Variants in OSGIN1 observed in about 807,000 individuals in gnomAD.
OSGIN1 encodes oxidative stress-induced growth inhibitor 1.
In OSGIN1, 19 loss-of-function variants were observed where a neutral mutation model predicts 20.1. The observed-to-expected ratio is 0.95, with a 90% CI of 0.66 to 1.39. OSGIN1 has a LOEUF of 1.39. Among genes scored for constraint, OSGIN1 ranks in the 40% most tolerant of loss-of-function variants. The pLI, the probability that OSGIN1 is intolerant of heterozygous loss-of-function variation, is 0.00. For missense variants in OSGIN1, 820 were observed against 653.0 expected (o/e 1.26, Z -2.79); for synonymous variants, 368 against 297.8 (o/e 1.24, Z -2.43).
intron 5 of OSGIN1, 175 bp downstream of exon 5, chr16:83,961,247 G>C (rs2084208038): frequency 1.7e-6 from 1 of 595,842 alleles, no homozygotes; most frequent in Non-Finnish European, 3.0e-6. Context: ...GGCACAGCTT[G>C]GTTTTATACA....
Position 83,960,330 on chromosome 16 carries a change from G to A in OSGIN1, c.205-239G>A, listed in dbSNP as rs138483370. Reference sequence around the variant, plus strand: ...TATTAGGGTAGGGATGTAGGACCAGGCAATCGCTCCAGTCTCACCCAAGCT... The same window carrying A: ...TATTAGGGTAGGGATGTAGGACCAGACAATCGCTCCAGTCTCACCCAAGCT... On this transcript the variant is annotated intron_variant, in intron 3 of 5. Transcript: ENST00000393306. 1.7e-3 allele frequency among the ~76,000 whole-genome samples: 265 copies of A among 152,292 alleles called. 1 individual carries two copies. In the Middle Eastern group the frequency reaches 0.02, roughly 12 times the overall value.
chr16:83,965,238 T>C lies in OSGIN1; in HGVS notation c.665T>C (p.Val222Ala). 1 of 1,612,416 alleles carries C rather than the reference T, an allele frequency of 6.2e-7. No individual in the cohort carries two copies. The highest frequency in any genetic ancestry group is 8.5e-7 in the Non-Finnish European group (1 of 1,179,652). The change falls in exon 6 of 6, where the codon GTG (valine) becomes GCG (alanine). Residue 222 changes from valine (V) to alanine (A), a missense_variant. Transcript: ENST00000393306. ...CAGGACTCCAGCCCCCTCTTCCAGGTGAGCGGCTTCCTGACCAGGAACCAG... is the reference window on the plus strand; with the variant it reads ...CAGGACTCCAGCCCCCTCTTCCAGGCGAGCGGCTTCCTGACCAGGAACCAG... ...GAQDSSPLFQ[V>A]SGFLTRNQAQ... is the part of the protein sequence containing the mutation.
At chr16:83,959,427 A>G (rs202181499) in intron 3 of OSGIN1, 31 bp downstream of exon 3, 587 of 1,578,598 alleles carry the variant, frequency 3.7e-4, no homozygotes, top group Non-Finnish European at 4.9e-4. Flanking sequence ...AGCTCTGGGT[A>G]GTACATACCC....
chr16:83,963,542 T>C (rs181796655), intron 5 of OSGIN1, among the ~76,000 whole-genome samples: 310 of 152,266 alleles, frequency 2.0e-3, no homozygotes, highest in African/African-American at 6.8e-3. Flanking sequence ...GTGTCATTAT[T>C]ATAAATAACT....
intron 4 of OSGIN1, 80 bp from the exon 5 acceptor site, chr16:83,960,901 G>A: frequency 6.5e-7 from 1 of 1,528,144 alleles, no homozygotes; most frequent in South Asian, 1.1e-5. Flanking sequence ...CCCAGCCCCA[G>A]CAAAGGCCTC....
intron 3 of OSGIN1, among the ~76,000 whole-genome samples, chr16:83,959,597 A>T (rs1043475352): frequency 5.9e-5 from 9 of 152,322 alleles, no homozygotes; most frequent in Admixed American, 1.3e-4. Context: ...AGGGCTCACT[A>T]TGCCCTAGGC....
chr16:83,959,228 C>T, intron 2 of OSGIN1, 32 bp from the exon 3 acceptor site: 2 of 1,597,770 alleles, frequency 1.3e-6, no homozygotes, highest in Non-Finnish European at 1.7e-6. Context: ...CTGAAAAGGC[C>T]ACCCCCTTTA....
intron 3 of OSGIN1, among the ~76,000 whole-genome samples, chr16:83,959,885 G>C (rs1287508281): frequency 6.6e-6 from 1 of 151,928 alleles, no homozygotes; most frequent in African/African-American, 2.4e-5. Flanking sequence ...GGCCAAGGTT[G>C]AGAAACTCCA....
chr16:83,961,998 A>G (rs2084220583), intron 5 of OSGIN1, among the ~76,000 whole-genome samples: 1 of 144,284 alleles, frequency 6.9e-6, no homozygotes, highest in African/African-American at 2.6e-5. Context: ...GCTACAGGTG[A>G]GTTTCATCCT....
chr16:83,958,428 A>G (rs1754632443), intron 2 of OSGIN1, among the ~76,000 whole-genome samples: 2 of 152,218 alleles, frequency 1.3e-5, no homozygotes, highest in South Asian at 4.1e-4. Flanking sequence ...GACACACAGT[A>G]GCGGCTTATG....
chr16:83,964,394 T>A (rs1465091640), intron 5 of OSGIN1, among the ~76,000 whole-genome samples: 1 of 152,182 alleles, frequency 6.6e-6, no homozygotes, highest in East Asian at 1.9e-4. Context: ...TACAGGTTGA[T>A]GAAATTTCTC....
chr16:83,957,916 G>A (rs1024795545), intron 2 of OSGIN1, among the ~76,000 whole-genome samples, 178 bp downstream of exon 2: 5 of 150,780 alleles, frequency 3.3e-5, no homozygotes, highest in Admixed American at 6.6e-5. Context: ...TCACTCTGTC[G>A]CCCAGGCTGG....
At chr16:83,963,887 C>G (rs2084244930) in intron 5 of OSGIN1, among the ~76,000 whole-genome samples, 2 of 152,240 alleles carry the variant, frequency 1.3e-5, no homozygotes, top group South Asian at 4.1e-4. Context: ...GTCACTGCCC[C>G]TGGAAAGAGT....
chr16:83,953,474 C>CG, intron 1 of OSGIN1, 104 bp downstream of exon 1: 1 of 1,070,150 alleles, frequency 9.3e-7, no homozygotes, highest in Middle Eastern at 3.0e-4. Flanking sequence ...TGGCGCCAGG[C>CG]GGGGGTCCCG....
chr16:83,960,496 T>C, intron 3 of OSGIN1, 73 bp from the exon 4 acceptor site: 1 of 1,273,196 alleles, frequency 7.9e-7, no homozygotes, highest in Admixed American at 1.9e-5. Flanking sequence ...CCCACGTTCC[T>C]GCCCAGCCTC....
At position 83,953,309 on chromosome 16, in the gene OSGIN1, C is replaced by G; in HGVS notation, c.-94C>G. 7.8e-7 allele frequency: 1 copy of G among 1,288,974 alleles called. No individual in the cohort carries two copies. The highest frequency in any genetic ancestry group is 1.0e-6 in the Non-Finnish European group (1 of 988,560). 79.8% of individuals were successfully genotyped at this position (1,288,974 alleles called of 1,614,324 possible). A position where few individuals can be genotyped will look rare whatever the true frequency, so the allele number is the denominator to read the frequency against. ...CGGGGGACTCTGTGATCCGTGTTCC[C>G]CTGACCCTCCTAGTGCACAACTTGG... On this transcript the variant is annotated 5_prime_UTR_variant, in exon 1 of 6. Transcript: ENST00000393306.
At chr16:83,959,565 A>T (rs2151076686) in intron 3 of OSGIN1, among the ~76,000 whole-genome samples, 169 bp downstream of exon 3, 1 of 152,294 alleles carries the variant, frequency 6.6e-6, no homozygotes, top group Non-Finnish European at 1.5e-5. Flanking sequence ...GAAATCAGAG[A>T]CCCACAAATG....
At position 83,959,369 on chromosome 16, in the gene OSGIN1, G is replaced by T. The variant is rs1909093604; in HGVS notation, c.177G>T (p.Glu59Asp). ...CCCTGCTGCAGAGGAAGCTCACCGA[G>T]GCCCCGGGGGTCTCCATCCTGGACC... is the stretch of plus-strand genomic sequence containing the variant. ...PHPLLQRKLTEAPGVSILDQD... is the reference protein window; with the variant it reads ...PHPLLQRKLTDAPGVSILDQD... The change falls in exon 3 of 6, where the codon GAG (glutamate) becomes GAT (aspartate). Residue 59 changes from glutamate (E) to aspartate (D), a missense_variant. Physicochemically the swap from Glu to Asp is conservative, Grantham distance 45. Coordinates refer to ENST00000393306, the MANE Select transcript of OSGIN1 (RefSeq NM_182981.3). The T allele has an allele frequency of 6.2e-7, 1 of 1,613,720 alleles. No individual in the cohort carries two copies.
In OSGIN1 at chr16:83,965,188, C is replaced by A. The variant is rs9938064; in HGVS notation, c.615C>A (p.Thr205=). The change falls in exon 6 of 6, where the codon ACC becomes ACA. Residue 205 remains threonine (T), a synonymous_variant. Transcript: ENST00000393306. ...GAVVTAVEWG[T]PDPSSCGAQD... ...TAGTCACAGCCGTGGAGTGGGGGAC[C>A]CCCGATCCCAGCAGCTGTGGGGCCC... 6.2e-6 allele frequency: 10 copies of A among 1,613,286 alleles called. No individual in the cohort carries two copies. Among genetic ancestry groups the A allele is most frequent in the Non-Finnish European group, 8.5e-6 (10 of 1,180,002 alleles).
Sources: allele counts gnomAD v4.1 joint callset (sites outside exome capture counted in the v4.1 genomes callset), GRCh38; gene constraint gnomAD v4.1.1; transcripts MANE v1.5; gene names NCBI Gene and HGNC (gene_info 2026-07-23, HGNC 2026-07-21).